Variants in ANK2 observed in about 807,000 individuals in gnomAD.
The protein encoded by ANK2 is ankyrin-2.
A neutral mutation model predicts 360.5 loss-of-function variants in ANK2; 83 were observed. That is an observed-to-expected ratio of 0.23 (90% CI 0.19 to 0.28). The LOEUF (loss-of-function observed/expected upper bound fraction) is 0.28. Ranked by LOEUF, ANK2 falls within the 10% of genes least tolerant of loss-of-function variation. The pLI is 1.00. For missense variants in ANK2, 4,201 were observed against 4,795.7 expected (o/e 0.88, Z 3.66); for synonymous variants, 1,740 against 1,759.5 (o/e 0.99, Z 0.28).
chr4:113,065,211 A>T (rs1230553312), intron 1 of ANK2, among the ~76,000 whole-genome samples: 1 of 148,988 alleles, frequency 6.7e-6, no homozygotes. Context: ...CTTCTAACAA[A>T]AATGTTAGAA....
At chr4:112,769,705 T>C in the ANK2 span, among the ~76,000 whole-genome samples, 10 of 152,172 alleles carry the variant, frequency 6.6e-5, no homozygotes, top group African/African-American at 7.2e-5. Context: ...CTGGATGAGA[T>C]TGGCACTTAA....
At chr4:113,082,064 C>T (rs2154347734) in intron 1 of ANK2, among the ~76,000 whole-genome samples, 1 of 152,276 alleles carries the variant, frequency 6.6e-6, no homozygotes, top group Admixed American at 6.5e-5. Flanking sequence ...CCGTCTCGGC[C>T]TCCCAGAGTG....
Position 113,353,923 on chromosome 4 carries a change from A to G in ANK2, c.5305A>G (p.Lys1769Glu), listed in dbSNP as rs1352494306. Reference protein sequence around the residue: ...EETPIGSIKDKVKALQKRVED... With the variant: ...EETPIGSIKDEVKALQKRVED... ...AACTCCCATTGGTTCCATAAAGGACAAAGTAAAGGCCCTTCAGAAGCGAGT... is the reference window on the plus strand; with the variant it reads ...AACTCCCATTGGTTCCATAAAGGACGAAGTAAAGGCCCTTCAGAAGCGAGT... The change falls in exon 38 of 46, where the codon AAA becomes GAA. Residue 1769 changes from lysine to glutamate, a missense_variant. Lys to Glu is a moderately conservative substitution (Grantham distance 56, BLOSUM62 1). Around this residue, in one of 4 missense-constraint regions of ANK2, gnomAD observed 2,642 missense variants for 2,714.5 expected, o/e 0.97. Coordinates refer to ENST00000357077, the MANE Select transcript of ANK2 (RefSeq NM_001148.6). The G allele has an allele frequency of 3.1e-6, 5 of 1,614,108 alleles. No homozygotes were observed. The highest frequency in any genetic ancestry group is 2.2e-5 in the East Asian group (1 of 44,888).
intron 2 of ANK2, among the ~76,000 whole-genome samples, chr4:112,981,777 G>A (rs1052996952): frequency 2.6e-5 from 4 of 152,206 alleles, no homozygotes; most frequent in Non-Finnish European, 5.9e-5. Context: ...AAGAAAGGAA[G>A]TTTGGGCTGG....
chr4:113,315,720 A>G (rs913034392), intron 24 of ANK2, among the ~76,000 whole-genome samples: 1 of 151,946 alleles, frequency 6.6e-6, no homozygotes, highest in East Asian at 1.9e-4. Context: ...AACACGGTGA[A>G]ACCCTGTCTC....
In ANK2 at chr4:112,827,601, G is replaced by A. The variant is rs561442378; in HGVS notation, c.-40+9337G>A. ...CTCGAGCTCTATACCTGGCCCTTCTGAAGGGACCACTCTACTCTCCATCCA... is the reference window on the plus strand; with the variant it reads ...CTCGAGCTCTATACCTGGCCCTTCTAAAGGGACCACTCTACTCTCCATCCA... On this transcript the variant is annotated intron_variant, in intron 1 of 30. Coordinates refer to the ANK2 transcript ENST00000503271. 2.1e-4 allele frequency: 196 copies of A among 927,690 alleles called. 1 individual carries two copies. The South Asian group carries it at 2.5e-3, about 12-fold the overall frequency. The allele number at this position is 927,690 out of a possible 1,614,324, so 57.5% of individuals were successfully genotyped here.
chr4:113,055,308 C>T (rs1179231332), intron 1 of ANK2, among the ~76,000 whole-genome samples: 1 of 152,082 alleles, frequency 6.6e-6, no homozygotes, highest in African/African-American at 2.4e-5. Context: ...CTGCTGGGGA[C>T]ACCCAACCCC....
chr4:112,706,432 C>T, the ANK2 span, among the ~76,000 whole-genome samples: 2 of 152,106 alleles, frequency 1.3e-5, no homozygotes, highest in East Asian at 3.9e-4. Flanking sequence ...GCAGATAGCC[C>T]TAGAAAAATA....
chr4:113,185,194 G>C (rs2107024), intron 2 of ANK2, among the ~76,000 whole-genome samples: 47,460 of 151,980 alleles, frequency 0.31, 7,981 homozygotes, highest in African/African-American at 0.43. Context: ...ATAGTAGAAT[G>C]ATTTATAATC....
chr4:112,755,259 G>A, the ANK2 span, among the ~76,000 whole-genome samples: 51 of 152,272 alleles, frequency 3.3e-4, no homozygotes, highest in Admixed American at 7.9e-4. Context: ...TGCCACACAC[G>A]TTTTTAAAGA....
chr4:113,126,522 A>G (rs1201252972), intron 1 of ANK2, among the ~76,000 whole-genome samples: 1 of 152,190 alleles, frequency 6.6e-6, no homozygotes, highest in Non-Finnish European at 1.5e-5. Context: ...CTTTGAGGAC[A>G]GAGGTTACTT....
chr4:113,361,152 C>A (rs950392310), intron 39 of ANK2, among the ~76,000 whole-genome samples: 3 of 152,134 alleles, frequency 2.0e-5, no homozygotes, highest in African/African-American at 7.2e-5. Context: ...CATTCAGGAA[C>A]CTCTGTTGGC....
At chr4:113,079,278 T>G (rs2081350374) in intron 1 of ANK2, among the ~76,000 whole-genome samples, 1 of 152,200 alleles carries the variant, frequency 6.6e-6, no homozygotes, top group Non-Finnish European at 1.5e-5. Flanking sequence ...CATGGCTTGA[T>G]TTTGTCACTG....
the ANK2 span, among the ~76,000 whole-genome samples, chr4:112,795,768 C>G: frequency 6.7e-6 from 1 of 149,896 alleles, no homozygotes; most frequent in Non-Finnish European, 1.5e-5. Flanking sequence ...TCCCAAAGTG[C>G]TGGGATTACA....
rs73841216 is a variant in ANK2, at chr4:113,104,930, A to G, written c.84+55118A>G. The stretch of plus-strand genomic sequence containing the variant: ...CTCCTGGAAGTATCTAGTTATGGAC[A>G]GTGAGCAGCAGAAACAGGATGTAAC... On this transcript the variant is annotated intron_variant, in intron 1 of 45. Coordinates refer to ENST00000357077, the MANE Select transcript of ANK2 (RefSeq NM_001148.6). Among the ~76,000 whole-genome samples, 549 of 152,254 alleles carry G rather than the reference A, an allele frequency of 3.6e-3. 7 individuals carry two copies. Among genetic ancestry groups the G allele is most frequent in the African/African-American group, 0.013 (528 of 41,556 alleles).
At chr4:113,138,856 G>A (rs1027871631) in intron 1 of ANK2, among the ~76,000 whole-genome samples, 1 of 152,178 alleles carries the variant, frequency 6.6e-6, no homozygotes, top group Non-Finnish European at 1.5e-5. Context: ...ATAAATATAT[G>A]TAGCTTAATG....
At chr4:113,308,051 G>C (rs934395846) in intron 23 of ANK2, among the ~76,000 whole-genome samples, 3 of 151,992 alleles carry the variant, frequency 2.0e-5, no homozygotes, top group Non-Finnish European at 4.4e-5. Context: ...AAAACTAAAG[G>C]TTGCTTTTAG....
chr4:112,722,680 T>A, the ANK2 span, among the ~76,000 whole-genome samples: 2 of 152,174 alleles, frequency 1.3e-5, no homozygotes, highest in African/African-American at 4.8e-5. Flanking sequence ...AGGTGTCAGG[T>A]GGTGGCAAAA....
chr4:113,199,716 C>G lies in ANK2; in HGVS notation c.384+607C>G, dbSNP rs190421859. Reference sequence around the variant, plus strand: ...TTGCCCAAAGCTTTACTCTTGATATCTATTATATCATGTACGCATGTGGGG... The same window carrying G: ...TTGCCCAAAGCTTTACTCTTGATATGTATTATATCATGTACGCATGTGGGG... On this transcript the variant is annotated intron_variant, in intron 4 of 45. Coordinates refer to ENST00000357077, the MANE Select transcript of ANK2 (RefSeq NM_001148.6). Among the ~76,000 whole-genome samples the G allele has an allele frequency of 2.6e-5, 4 of 151,936 alleles. No individual in the cohort carries two copies. The East Asian group carries it at 5.8e-4, about 22-fold the overall frequency.
Sources: gnomAD v4.1 joint callset for allele counts (sites outside exome capture counted in the v4.1 genomes callset) on GRCh38, gnomAD v4.1.1 for gene constraint, gnomAD v4.1.1 regional missense constraint, MANE v1.5 for transcripts, NCBI Gene and HGNC (gene_info 2026-07-23, HGNC 2026-07-21) for gene names.